SLC14A2: variants seen among roughly 807,000 people sequenced by gnomAD.
SLC14A2 encodes the protein solute carrier family 14 member 2, also known as urea transporter 2.
Under a neutral mutation model 104.6 loss-of-function variants are expected in SLC14A2, and 91 were observed. That is an observed-to-expected ratio of 0.87 (90% CI 0.73 to 1.04). The LOEUF is 1.04. Among genes scored for constraint, SLC14A2 ranks in the 50% least tolerant of loss-of-function variants. The probability of loss-of-function intolerance (pLI) is 0.00; values close to 1 mark genes in which losing one functional copy is unlikely to be tolerated. For synonymous variants in SLC14A2, 476 were observed against 466.4 expected, an observed-to-expected ratio of 1.02 and a Z score of -0.27; for missense variants, 1,189 against 1,156.0, an observed-to-expected ratio of 1.03 and a Z score of -0.41.
chr18:45,223,854 C>A (rs958227975), intron 1 of SLC14A2, among the ~76,000 whole-genome samples: 3 of 152,168 alleles, frequency 2.0e-5, no homozygotes, highest in Non-Finnish European at 1.5e-5. Flanking sequence ...CTCTCTGGGG[C>A]AACTCCAGGG....
At chr18:45,610,863 G>A (rs1236801436), upstream of SLC14A2, among the ~76,000 whole-genome samples, 6 of 152,150 alleles carry the variant, frequency 3.9e-5, no homozygotes, top group Non-Finnish European at 5.9e-5. Flanking sequence ...CCTACTACCT[G>A]TCAGTCTTCC....
At chr18:45,251,303 T>G (rs1281689587) in intron 1 of SLC14A2, among the ~76,000 whole-genome samples, 1 of 152,190 alleles carries the variant, frequency 6.6e-6, no homozygotes, top group Non-Finnish European at 1.5e-5. Flanking sequence ...CTGAGTTACT[T>G]CACTTAGAAT....
intron 2 of SLC14A2, among the ~76,000 whole-genome samples, chr18:45,604,507 GCATCAGGAA>G (rs1300425429): frequency 2.0e-5 from 3 of 152,102 alleles, no homozygotes; most frequent in African/African-American, 4.8e-5. Flanking sequence ...CTTTATAAAT[GCATCAGGAA>G]CATCAGTAAC....
chr18:45,406,383 A>G (rs186617455), intron 1 of SLC14A2, among the ~76,000 whole-genome samples: 3 of 152,302 alleles, frequency 2.0e-5, no homozygotes, highest in Admixed American at 2.0e-4. Flanking sequence ...TAGTTCTGTT[A>G]CAATTCTACC....
At chr18:45,623,828 G>T (rs1430899238) in intron 1 of SLC14A2, among the ~76,000 whole-genome samples, 1 of 152,104 alleles carries the variant, frequency 6.6e-6, no homozygotes, top group Non-Finnish European at 1.5e-5. Flanking sequence ...ACCGCATGCA[G>T]GTCCAAAACC....
chr18:45,226,694 A>C lies in SLC14A2; in HGVS notation c.-125+13503A>C, dbSNP rs139019140. On this transcript the variant is annotated intron_variant, in intron 1 of 20. Transcript: ENST00000586448. Reference sequence around the variant, plus strand: ...GGTGGGGGGAGGGGGGAGGGATAGCATTAGGAGATATACCTAATGTAAATG... The same window carrying C: ...GGTGGGGGGAGGGGGGAGGGATAGCCTTAGGAGATATACCTAATGTAAATG... Among the ~76,000 whole-genome samples, 1,222 of 151,054 alleles carry C rather than the reference A, an allele frequency of 8.1e-3. 14 individuals are homozygous for C. The highest frequency in any genetic ancestry group is 0.029 in the African/African-American group (1,181 of 40,838).
the SLC14A2 span, among the ~76,000 whole-genome samples, chr18:45,185,134 A>G: frequency 6.6e-6 from 1 of 152,194 alleles, no homozygotes; most frequent in Non-Finnish European, 1.5e-5. Context: ...GTTTCACTGC[A>G]TCTCACACTT....
chr18:45,243,966 A>G (rs2144057416), intron 1 of SLC14A2, among the ~76,000 whole-genome samples: 1 of 152,294 alleles, frequency 6.6e-6, no homozygotes, highest in Non-Finnish European at 1.5e-5. Context: ...GGGTAGATTA[A>G]TTAATGAGGT....
chr18:45,177,787 ATAGAG>A, the SLC14A2 span, among the ~76,000 whole-genome samples: 25 of 152,318 alleles, frequency 1.6e-4, no homozygotes, highest in African/African-American at 6.0e-4. Flanking sequence ...AGTGCTTGGC[ATAGAG>A]TAGACATGCA....
intron 6 of SLC14A2, among the ~76,000 whole-genome samples, chr18:45,638,891 C>G (rs1421973312): frequency 6.6e-6 from 1 of 152,204 alleles, no homozygotes. Flanking sequence ...TACTCCCAGG[C>G]CAGTGCTCTG....
the SLC14A2 span, among the ~76,000 whole-genome samples, chr18:45,200,551 T>C: frequency 6.6e-6 from 1 of 152,230 alleles, no homozygotes; most frequent in African/African-American, 2.4e-5. Flanking sequence ...TTTTCTACCA[T>C]AGAATTTGTT....
At chr18:45,487,722 A>C (rs1389986504) in intron 2 of SLC14A2, among the ~76,000 whole-genome samples, 1 of 152,176 alleles carries the variant, frequency 6.6e-6, no homozygotes, top group African/African-American at 2.4e-5. Context: ...GGCTCATCAC[A>C]AGGTCCAGCT....
chr18:45,249,284 T>C (rs80074010), intron 1 of SLC14A2, among the ~76,000 whole-genome samples: 2 of 140,048 alleles, frequency 1.4e-5, no homozygotes, highest in Non-Finnish European at 3.1e-5. Flanking sequence ...GCTCCAGCCT[T>C]TTTTTTTTTT....
At chr18:45,641,490 T>A in intron 8 of SLC14A2, 147 bp downstream of exon 8, 1 of 837,234 alleles carries the variant, frequency 1.2e-6, no homozygotes, top group Non-Finnish European at 1.9e-6. Context: ...GTGCTGCCCT[T>A]AACAGCTGGG....
chr18:45,380,366 A>C (rs1159877936), intron 1 of SLC14A2, among the ~76,000 whole-genome samples: 3 of 152,170 alleles, frequency 2.0e-5, no homozygotes, highest in Non-Finnish European at 4.4e-5. Context: ...ACACCATGAG[A>C]AATTATGGGC....
chr18:45,369,511 G>C (rs1291346749), intron 1 of SLC14A2, among the ~76,000 whole-genome samples: 1 of 152,150 alleles, frequency 6.6e-6, no homozygotes, highest in African/African-American at 2.4e-5. Flanking sequence ...ATTATATATG[G>C]TTGGGTTGAC....
intron 1 of SLC14A2, among the ~76,000 whole-genome samples, chr18:45,461,381 A>G (rs2087042348): frequency 6.6e-6 from 1 of 152,064 alleles, no homozygotes; most frequent in Non-Finnish European, 1.5e-5. Flanking sequence ...TAATTGAGCA[A>G]TTAATTAGTG....
intron 1 of SLC14A2, among the ~76,000 whole-genome samples, chr18:45,242,660 G>A (rs984202646): frequency 4.6e-5 from 7 of 152,144 alleles, no homozygotes; most frequent in African/African-American, 1.7e-4. Flanking sequence ...TGAGCCATGT[G>A]AATTCACTTC....
At chr18:45,393,544 C>G (rs1162076167) in intron 1 of SLC14A2, among the ~76,000 whole-genome samples, 4 of 152,166 alleles carry the variant, frequency 2.6e-5, no homozygotes, top group Non-Finnish European at 5.9e-5. Flanking sequence ...AAACCCAAAG[C>G]CTGGCACATG....
Sources: allele counts gnomAD v4.1 joint callset (sites outside exome capture counted in the v4.1 genomes callset), GRCh38; gene constraint gnomAD v4.1.1; transcripts MANE v1.5; gene names NCBI Gene and HGNC (gene_info 2026-07-23, HGNC 2026-07-21).